The following C1RL variants were observed in gnomAD, a reference collection of about 807,000 sequenced individuals.
C1RL encodes the protein complement C1r subcomponent like, also known as complement C1r subcomponent-like protein.
C1RL carries 27 observed loss-of-function variants against 27.9 expected under a neutral mutation model. The observed-to-expected ratio is 0.97, with a 90% CI of 0.71 to 1.33. The LOEUF (loss-of-function observed/expected upper bound fraction) is 1.33. C1RL is among the 40% of genes most tolerant of loss of function. The pLI is 0.00. For missense variants in C1RL, 563 were observed against 623.9 expected, an observed-to-expected ratio of 0.90 and a Z score of 1.04; for synonymous variants, 248 against 252.1, an observed-to-expected ratio of 0.98 and a Z score of 0.15.
chr12:7,097,260 T>A, intron 5 of C1RL, 97 bp from the exon 6 acceptor site: 1 of 1,113,326 alleles, frequency 9.0e-7, no homozygotes, highest in East Asian at 2.6e-5. Context: ...AGGGGACGCG[T>A]GAAGAGACTC....
Position 7,101,603 on chromosome 12 carries a change from C to G in C1RL, c.490+295G>C, listed in dbSNP as rs904774233. 1.6e-5 allele frequency: 8 copies of G among 504,154 alleles called. No homozygotes were observed. In the Admixed American group the frequency reaches 1.6e-4, roughly 10 times the overall value. 31.2% of individuals were successfully genotyped at this position (504,154 alleles called of 1,614,324 possible). The stretch of plus-strand genomic sequence containing the variant: ...TCTTTCAAAAACAAATCTGAGTCAT[C>G]ATTTGAAAATTTATAATTTTACTTA... On this transcript the variant is annotated intron_variant, in intron 3 of 5. Coordinates refer to ENST00000266542, the MANE Select transcript of C1RL (RefSeq NM_016546.4).
At chr12:7,102,615 C>A (rs1264114354) in intron 2 of C1RL, among the ~76,000 whole-genome samples, 1 of 152,210 alleles carries the variant, frequency 6.6e-6, no homozygotes, top group African/African-American at 2.4e-5. Flanking sequence ...GGCAGTAATA[C>A]CCTCTGCAGA....
chr12:7,101,494 T>G (rs1591598241), intron 3 of C1RL: 1 of 230,096 alleles, frequency 4.3e-6, no homozygotes, highest in East Asian at 8.9e-5. Flanking sequence ...GGTCTCCAAC[T>G]ACTGGCCTCA....
chr12:7,097,665 G>A (rs756670681), intron 5 of C1RL, among the ~76,000 whole-genome samples: 2 of 152,188 alleles, frequency 1.3e-5, no homozygotes, highest in Non-Finnish European at 2.9e-5. Context: ...CCAAGTGTAC[G>A]GGGCACCCAT....
rs1301889443 is a variant in C1RL, at chr12:7,094,979, T to G, written c.*1412A>C. ...TTTGAATCCTGCCATTTTTTAGAGA[T>G]AAATTTAACCTTTGACCATATAGCA... On this transcript the variant is annotated 3_prime_UTR_variant, in exon 6 of 6. Transcript: ENST00000266542. 1 of 1,104,888 alleles carries G rather than the reference T, an allele frequency of 9.1e-7. No homozygotes were observed. The highest frequency in any genetic ancestry group is 1.1e-6 in the Non-Finnish European group (1 of 898,914). 68.4% of individuals were successfully genotyped at this position (1,104,888 alleles called of 1,614,324 possible).
chr12:7,108,274 C>A lies in C1RL; in HGVS notation c.277G>T (p.Asp93Tyr), dbSNP rs1053161048. Residue 93 changes from aspartate (D) to tyrosine (Y), a missense_variant, in exon 2 of 6, where the codon GAC (aspartate) becomes TAC (tyrosine). Physicochemically the swap from Asp to Tyr is radical, Grantham distance 160. Transcript: ENST00000266542. ...ACTGTGACAGAGTCCCCTGCACAGTCCTGGGACGGCTCCAGGTCGAAGTCC... is the reference window on the plus strand; with the variant it reads ...ACTGTGACAGAGTCCCCTGCACAGTACTGGGACGGCTCCAGGTCGAAGTCC... ...FQDFDLEPSQ[D>Y]CAGDSVTISF... 2 of 1,613,560 alleles carry A rather than the reference C, an allele frequency of 1.2e-6. No homozygotes were observed. Among genetic ancestry groups the A allele is most frequent in the African/African-American group, 2.7e-5 (2 of 74,958 alleles).
chr12:7,100,819 T>A (rs1938595624), intron 3 of C1RL, among the ~76,000 whole-genome samples: 1 of 151,910 alleles, frequency 6.6e-6, no homozygotes, highest in South Asian at 2.1e-4. Context: ...AAATAAAAAA[T>A]AAATGAGTTA....
At chr12:7,100,331 C>T (rs773819692) in intron 3 of C1RL, among the ~76,000 whole-genome samples, 5 of 152,092 alleles carry the variant, frequency 3.3e-5, no homozygotes, top group Non-Finnish European at 7.4e-5. Flanking sequence ...ATTTTTTAAC[C>T]TACTCCATTT....
In C1RL at chr12:7,108,237, C is replaced by A. The variant is rs369417144; in HGVS notation, c.300+14G>T. Reference sequence around the variant, plus strand: ...GCCACAGTCCTGGCGGGACCCCCCCCATCCCCAGCTCACTGTGACAGAGTC... The same window carrying A: ...GCCACAGTCCTGGCGGGACCCCCCCAATCCCCAGCTCACTGTGACAGAGTC... On this transcript the variant is annotated intron_variant, in intron 2 of 5. Coordinates refer to ENST00000266542, the MANE Select transcript of C1RL (RefSeq NM_016546.4). 2 of 1,582,378 alleles carry A rather than the reference C, an allele frequency of 1.3e-6. No individual in the cohort carries two copies. The highest frequency in any genetic ancestry group is 1.7e-6 in the Non-Finnish European group (2 of 1,159,208).
chr12:7,108,208 C>T (rs374776546), intron 2 of C1RL, 43 bp downstream of exon 2: 31 of 1,470,596 alleles, frequency 2.1e-5, no homozygotes, highest in African/African-American at 4.3e-5. Flanking sequence ...CGGGAATCTC[C>T]CTGGCCACAG....
At position 7,095,759 on chromosome 12, in the gene C1RL, T is replaced by C; in HGVS notation, c.*632A>G. On this transcript the variant is annotated 3_prime_UTR_variant, in exon 6 of 6. Coordinates refer to ENST00000266542, the MANE Select transcript of C1RL (RefSeq NM_016546.4). ...TGTGGGACTTGGGCAAGTCCCTTTA[T>C]CCCCTGAGCCTCAGTTTCCTCATTT... 1 of 776,142 alleles carries C rather than the reference T, an allele frequency of 1.3e-6. No individual in the cohort carries two copies. Among genetic ancestry groups the C allele is most frequent in the Non-Finnish European group, 1.6e-6 (1 of 639,218 alleles). The allele number at this position is 776,142 out of a possible 1,614,324, so 48.1% of individuals were successfully genotyped here.
At chr12:7,107,846 A>G (rs1357512959) in intron 2 of C1RL, among the ~76,000 whole-genome samples, 1 of 152,252 alleles carries the variant, frequency 6.6e-6, no homozygotes, top group Non-Finnish European at 1.5e-5. Context: ...GGTAAGTGTG[A>G]ACGGTGACTT....
chr12:7,100,052 G>T, intron 3 of C1RL, 26 bp from the exon 4 acceptor site: 1 of 1,590,596 alleles, frequency 6.3e-7, no homozygotes. Flanking sequence ...ACCTAGCACA[G>T]ACTTGCCAAC....
At chr12:7,108,567 ACT>A (rs1938835966) in intron 1 of C1RL, 88 bp from the exon 2 acceptor site, 1 of 1,048,754 alleles carries the variant, frequency 9.5e-7, no homozygotes, top group African/African-American at 1.6e-5. Context: ...CCGCGCTAGG[ACT>A]CAGAGGCCTC....
At position 7,096,670 on chromosome 12, in the gene C1RL, A is replaced by G. The variant is rs769688821; in HGVS notation, c.1185T>C (p.Pro395=). Residue 395 remains proline (P), a synonymous_variant, in exon 6 of 6, where the codon CCT becomes CCC. Coordinates refer to ENST00000266542, the MANE Select transcript of C1RL (RefSeq NM_016546.4). The stretch of plus-strand genomic sequence containing the variant: ...CGTTGCAGGCCTCCCTGGGAGCTAC[A>G]GGCAGCCTCGAGTACTTCAGCTCAG... ...LTTELKYSRL[P]VAPREACNAW... 1.9e-6 allele frequency: 3 copies of G among 1,614,148 alleles called. No homozygotes were observed. The highest frequency in any genetic ancestry group is 2.5e-6 in the Non-Finnish European group (3 of 1,180,010).
Position 7,095,444 on chromosome 12 carries a change from G to T in C1RL, c.*947C>A. On this transcript the variant is annotated 3_prime_UTR_variant, in exon 6 of 6. Coordinates refer to ENST00000266542, the MANE Select transcript of C1RL (RefSeq NM_016546.4). ...CCTCCAGGTTTTACTAAAAATTAAA[G>T]AGTTGGTCCTCTCAGGTGGAGCAGT... is the stretch of plus-strand genomic sequence containing the variant. The T allele has an allele frequency of 1.0e-6, 1 of 997,752 alleles. No homozygotes were observed. Among genetic ancestry groups the T allele is most frequent in the Non-Finnish European group, 1.2e-6 (1 of 836,772 alleles). The allele number at this position is 997,752 out of a possible 1,614,324, so 61.8% of individuals were successfully genotyped here.
chr12:7,102,063 T>G lies in C1RL; in HGVS notation c.325A>C (p.Ser109Arg), dbSNP rs1591598686. The G allele has an allele frequency of 6.2e-7, 1 of 1,611,260 alleles. No individual in the cohort carries two copies. Residue 109 changes from serine (S) to arginine (R), a missense_variant, in exon 3 of 6, where the codon AGC (serine) becomes CGC (arginine). Coordinates refer to ENST00000266542, the MANE Select transcript of C1RL (RefSeq NM_016546.4). ...VTISFVGSDP[S>R]QFCGQQGSPL... ...GAGCCTTGCTGACCACAGAACTGGC[T>G]TGGATCCGAACCGACGAATGAGATC...
intron 3 of C1RL, 47 bp from the exon 4 acceptor site, chr12:7,100,073 G>A (rs772890372): frequency 2.6e-6 from 4 of 1,565,690 alleles, no homozygotes; most frequent in East Asian, 2.3e-5. Context: ...TGGCAACCCA[G>A]GGGCTGATTC....
chr12:7,098,721 A>G (rs1261699584), intron 5 of C1RL, among the ~76,000 whole-genome samples: 1 of 152,246 alleles, frequency 6.6e-6, no homozygotes, highest in African/African-American at 2.4e-5. Context: ...GCCACACATT[A>G]TATGATTCCA....
Sources: gnomAD v4.1 joint callset for allele counts (sites outside exome capture counted in the v4.1 genomes callset) on GRCh38, gnomAD v4.1.1 for gene constraint, MANE v1.5 for transcripts, NCBI Gene and HGNC (gene_info 2026-07-23, HGNC 2026-07-21) for gene names.